Variants in SFSWAP observed in about 807,000 individuals in gnomAD.
SFSWAP encodes the protein splicing factor, suppressor of white-apricot homolog.
Under a neutral mutation model 100.7 loss-of-function variants are expected in SFSWAP, and 17 were observed. The ratio of observed to expected loss-of-function variants is 0.17; its 90% confidence interval spans 0.12 to 0.25. SFSWAP has a LOEUF of 0.25. SFSWAP is among the 10% of genes least tolerant of loss of function. SFSWAP has a pLI of 1.00. For missense variants in SFSWAP, 1,005 were observed against 1,262.6 expected (o/e 0.80, Z 3.09); for synonymous variants, 504 against 510.1 (o/e 0.99, Z 0.16).
At chr12:131,724,024 A>G (rs1259428443) in intron 4 of SFSWAP, among the ~76,000 whole-genome samples, 1 of 152,248 alleles carries the variant, frequency 6.6e-6, no homozygotes, top group Non-Finnish European at 1.5e-5. Context: ...AAGTCTGCCT[A>G]ATAAAGTAAA....
rs1012811245 is a variant in SFSWAP, at chr12:131,711,664, C to G, written c.218+217C>G. Reference sequence around the variant, plus strand: ...ACTGGCTGGAATTGCGTGCCGCGTCCGTCTCCGGAGGGATCGTCTCTGGTC... The same window carrying G: ...ACTGGCTGGAATTGCGTGCCGCGTCGGTCTCCGGAGGGATCGTCTCTGGTC... On this transcript the variant is annotated intron_variant, in intron 1 of 17. Coordinates refer to ENST00000261674, the MANE Select transcript of SFSWAP (RefSeq NM_004592.4). This position sits in a 1 kb window ranked among gnomAD's most constrained non-coding sequence, Gnocchi z 4.9. The G allele has an allele frequency of 7.2e-6, 4 of 558,572 alleles. No homozygotes were observed. Among genetic ancestry groups the G allele is most frequent in the Non-Finnish European group, 1.3e-5 (4 of 311,676 alleles). The allele number at this position is 558,572 out of a possible 1,614,324, so 34.6% of individuals were successfully genotyped here.
rs1025565336 is a variant in SFSWAP, at chr12:131,734,399, G to T, written c.1081+5971G>T. Among the ~76,000 whole-genome samples the T allele has an allele frequency of 1.2e-4, 19 of 152,220 alleles. No homozygotes were observed. The highest frequency in any genetic ancestry group is 4.3e-4 in the African/African-American group (18 of 41,452). On this transcript the variant is annotated intron_variant, in intron 7 of 17. Transcript: ENST00000261674. This position sits in a 1 kb window ranked among gnomAD's most constrained non-coding sequence, Gnocchi z 4.9. ...GAATGTGCAGGAGAAATGAGAAGAG[G>T]ACTTAAGATCAAAAAGAGAGTGACT...
intron 15 of SFSWAP, among the ~76,000 whole-genome samples, chr12:131,792,263 G>A (rs1047823488): frequency 2.7e-5 from 4 of 149,756 alleles, no homozygotes; most frequent in Non-Finnish European, 4.4e-5. Context: ...CCAGTACTGT[G>A]TGTGCATATG....
chr12:131,745,782 G>A (rs1593140366), intron 7 of SFSWAP, among the ~76,000 whole-genome samples: 7 of 145,302 alleles, frequency 4.8e-5, no homozygotes, highest in African/African-American at 7.6e-5. Context: ...AAAAAAAAAA[G>A]GTAGTATTGT....
chr12:131,781,192 C>T (rs1450582203), intron 14 of SFSWAP, among the ~76,000 whole-genome samples: 1 of 149,378 alleles, frequency 6.7e-6, no homozygotes, highest in Non-Finnish European at 1.5e-5. Flanking sequence ...TTTAGAATAG[C>T]TTTAGTTACA....
At chr12:131,759,185 C>G (rs1882436833) in intron 11 of SFSWAP, among the ~76,000 whole-genome samples, 4 of 152,116 alleles carry the variant, frequency 2.6e-5, no homozygotes, top group Admixed American at 1.3e-4. Flanking sequence ...ATTTGAAAAT[C>G]AGTGAAAAAT....
At chr12:131,753,932 A>G (rs141191456) in intron 8 of SFSWAP, among the ~76,000 whole-genome samples, 397 of 151,564 alleles carry the variant, frequency 2.6e-3, no homozygotes, top group African/African-American at 9.2e-3. Flanking sequence ...TTGAAAGGAG[A>G]CTCCTGGGAA....
At chr12:131,741,578 C>G (rs1880636656) in intron 7 of SFSWAP, among the ~76,000 whole-genome samples, 2 of 151,342 alleles carry the variant, frequency 1.3e-5, no homozygotes, top group Admixed American at 1.3e-4. Flanking sequence ...TCGAGGAGTT[C>G]CATGCTGCAG....
At chr12:131,782,185 A>G (rs1884556598) in intron 14 of SFSWAP, among the ~76,000 whole-genome samples, 1 of 152,208 alleles carries the variant, frequency 6.6e-6, no homozygotes, top group Admixed American at 6.5e-5. Context: ...TCTCACCATA[A>G]CCTTTTCTTG....
intron 16 of SFSWAP, among the ~76,000 whole-genome samples, chr12:131,798,365 G>C (rs139845367): frequency 8.5e-5 from 13 of 152,214 alleles, no homozygotes; most frequent in African/African-American, 2.9e-4. Flanking sequence ...CTGCGGGGAG[G>C]GGGTGTTGGC....
chr12:131,768,084 C>T (rs886437714), intron 13 of SFSWAP, among the ~76,000 whole-genome samples: 4 of 152,352 alleles, frequency 2.6e-5, no homozygotes, highest in Middle Eastern at 3.4e-3. Flanking sequence ...CACGCGTGCT[C>T]GCCCTCTCTG....
At chr12:131,715,579 C>T (rs557105346) in intron 3 of SFSWAP, among the ~76,000 whole-genome samples, 1 of 152,336 alleles carries the variant, frequency 6.6e-6, no homozygotes, top group South Asian at 2.1e-4. Flanking sequence ...CACAAATATC[C>T]TCAATCACTT....
chr12:131,730,355 G>A lies in SFSWAP; in HGVS notation c.1081+1927G>A, dbSNP rs114713643. Among the ~76,000 whole-genome samples, 2,031 of 152,312 alleles carry A rather than the reference G, an allele frequency of 0.013. 42 individuals carry two copies. The highest frequency in any genetic ancestry group is 0.045 in the African/African-American group (1,862 of 41,564). On this transcript the variant is annotated intron_variant, in intron 7 of 17. Coordinates refer to ENST00000261674, the MANE Select transcript of SFSWAP (RefSeq NM_004592.4). This position sits in a 1 kb window ranked among gnomAD's most constrained non-coding sequence, Gnocchi z 4.0. ...TGAACCAAATGCATTGTCCGTGCAC[G>A]TCCACCAGATCCCTGAAGCTGCTGC...
intron 13 of SFSWAP, among the ~76,000 whole-genome samples, chr12:131,776,536 C>CGGGCCG: frequency 6.6e-6 from 1 of 152,340 alleles, no homozygotes; most frequent in Non-Finnish European, 1.5e-5. Flanking sequence ...GTAGAAGAAT[C>CGGGCCG]GTTTCTACAG....
chr12:131,798,081 C>T (rs1326074935), intron 16 of SFSWAP, among the ~76,000 whole-genome samples: 1 of 152,192 alleles, frequency 6.6e-6, no homozygotes, highest in Non-Finnish European at 1.5e-5. Context: ...TGGCTCATAC[C>T]TGTAATCCCA....
chr12:131,759,624 C>A (rs893160457), intron 11 of SFSWAP, among the ~76,000 whole-genome samples: 5 of 151,342 alleles, frequency 3.3e-5, no homozygotes, highest in Admixed American at 1.3e-4. Context: ...ACGGTGAAAC[C>A]CCGTCTCTAC....
intron 14 of SFSWAP, among the ~76,000 whole-genome samples, chr12:131,783,104 C>G (rs1884617280): frequency 6.6e-6 from 1 of 151,394 alleles, no homozygotes; most frequent in African/African-American, 2.4e-5. Flanking sequence ...TTGCTTGAAC[C>G]CGGGAGGTGG....
At chr12:131,792,109 C>T (rs1026046914) in intron 15 of SFSWAP, among the ~76,000 whole-genome samples, 8 of 151,452 alleles carry the variant, frequency 5.3e-5, no homozygotes, top group African/African-American at 1.9e-4. Context: ...TGTGTGTTCA[C>T]GGATCAGTAC....
At chr12:131,731,848 T>C (rs2136194975) in intron 7 of SFSWAP, among the ~76,000 whole-genome samples, 1 of 152,052 alleles carries the variant, frequency 6.6e-6, no homozygotes, top group African/African-American at 2.4e-5. Flanking sequence ...ATTTTTTTTC[T>C]CTGCATACTT....
Sources: allele counts gnomAD v4.1 joint callset (sites outside exome capture counted in the v4.1 genomes callset), GRCh38; gene constraint gnomAD v4.1.1; non-coding constraint Gnocchi (gnomAD v3.1); transcripts MANE v1.5; gene names NCBI Gene and HGNC (gene_info 2026-07-23, HGNC 2026-07-21).